Variants in TSNARE1 observed in about 807,000 individuals in gnomAD.
The protein encoded by TSNARE1 is t-SNARE domain-containing protein 1.
TSNARE1 carries 49 observed loss-of-function variants against 62.0 expected under a neutral mutation model. The ratio of observed to expected loss-of-function variants is 0.79; its 90% confidence interval spans 0.63 to 1.00. TSNARE1 has a LOEUF of 1.00. Among genes scored for constraint, TSNARE1 ranks in the 50% least tolerant of loss-of-function variants. TSNARE1 has a pLI of 0.00. For synonymous variants in TSNARE1, 328 were observed against 294.4 expected (o/e 1.11, Z -1.17); for missense variants, 755 against 700.1 (o/e 1.08, Z -0.88).
chr8:142,297,417 C>T (rs529327097), intron 10 of TSNARE1, among the ~76,000 whole-genome samples: 2 of 152,324 alleles, frequency 1.3e-5, no homozygotes, highest in South Asian at 2.1e-4. Flanking sequence ...GTGTTCACAC[C>T]CCACTAGCCA....
chr8:142,220,060 T>C (rs1341767831), intron 13 of TSNARE1, among the ~76,000 whole-genome samples: 1 of 152,228 alleles, frequency 6.6e-6, no homozygotes, highest in East Asian at 1.9e-4. Context: ...ACCGCCGCTG[T>C]GTCCCGCCTT....
chr8:142,214,556 T>A (rs1440931499), intron 13 of TSNARE1, among the ~76,000 whole-genome samples: 1 of 151,870 alleles, frequency 6.6e-6, no homozygotes, highest in Non-Finnish European at 1.5e-5. Context: ...GGCTGTTCCC[T>A]CTGCTGGAAT....
intron 1 of TSNARE1, among the ~76,000 whole-genome samples, chr8:142,372,551 C>T (rs1444554385): frequency 2.0e-5 from 3 of 152,166 alleles, no homozygotes; most frequent in Non-Finnish European, 4.4e-5. Context: ...GGGGTGCTGG[C>T]TTCCCTCACC....
At chr8:142,287,675 G>A (rs1436007352) in intron 10 of TSNARE1, among the ~76,000 whole-genome samples, 7 of 142,266 alleles carry the variant, frequency 4.9e-5, no homozygotes, top group Non-Finnish European at 9.2e-5. Context: ...GTGGAACCCA[G>A]GACCCCGGCC....
chr8:142,344,953 C>T (rs1034960791), intron 3 of TSNARE1, among the ~76,000 whole-genome samples: 5 of 152,320 alleles, frequency 3.3e-5, no homozygotes, highest in Middle Eastern at 3.4e-3. Flanking sequence ...CCTCGGCTTC[C>T]CTCCCACACT....
chr8:142,389,816 G>A (rs1837359749), intron 1 of TSNARE1, among the ~76,000 whole-genome samples: 1 of 152,216 alleles, frequency 6.6e-6, no homozygotes. Context: ...AGCTCTGGAA[G>A]GACAAACAGT....
chr8:142,348,688 C>T (rs986444248), intron 2 of TSNARE1, among the ~76,000 whole-genome samples: 3 of 148,380 alleles, frequency 2.0e-5, no homozygotes, highest in Admixed American at 6.7e-5. Context: ...AAGGGCGTGT[C>T]GACATTTTCT....
intron 4 of TSNARE1, among the ~76,000 whole-genome samples, chr8:142,334,102 C>T (rs1831437286): frequency 6.6e-6 from 1 of 152,250 alleles, no homozygotes; most frequent in Non-Finnish European, 1.5e-5. Flanking sequence ...TATACTTGTG[C>T]CAATCACTGA....
intron 12 of TSNARE1, among the ~76,000 whole-genome samples, chr8:142,267,810 A>G (rs1819218389): frequency 6.6e-6 from 1 of 152,210 alleles, no homozygotes; most frequent in Admixed American, 6.5e-5. Flanking sequence ...GATGGAATGC[A>G]AGAAGCACAG....
chr8:142,296,719 A>G, intron 10 of TSNARE1, among the ~76,000 whole-genome samples: 1 of 151,808 alleles, frequency 6.6e-6, no homozygotes, highest in Non-Finnish European at 1.5e-5. Context: ...ACGCCGTGGA[A>G]GCAGCAATGC....
intron 1 of TSNARE1, chr8:142,365,888 T>C (rs1835514198): frequency 2.2e-6 from 1 of 450,192 alleles, no homozygotes; most frequent in Non-Finnish European, 4.4e-6. Context: ...GTGAAGAACA[T>C]GTAAATGAGT....
At chr8:142,370,156 C>T (rs1835824719) in intron 1 of TSNARE1, among the ~76,000 whole-genome samples, 1 of 152,248 alleles carries the variant, frequency 6.6e-6, no homozygotes, top group Admixed American at 6.5e-5. Context: ...ACCAAATCTG[C>T]TGGCACCTTG....
rs1820026752 is a variant in TSNARE1 at position 142,274,096 on chromosome 8, AG to A, written c.1446+684del. 3.0e-6 allele frequency: 3 copies of A among 985,082 alleles called. No homozygotes were observed. In the South Asian group the frequency reaches 1.4e-4, roughly 46 times the overall value. 61.0% of individuals were successfully genotyped at this position (985,082 alleles called of 1,614,324 possible). Reference sequence around the variant, plus strand: ...CCTCACCTTGCTGGACTTAATGTCCAGCCTGCCTGGCCCCTGGGACTCCTTG... The same window carrying A: ...CCTCACCTTGCTGGACTTAATGTCCACCTGCCTGGCCCCTGGGACTCCTTG... On this transcript the variant is annotated intron_variant, in intron 12 of 13. Transcript: ENST00000524325.
intron 11 of TSNARE1, among the ~76,000 whole-genome samples, chr8:142,281,691 C>T (rs1215485346): frequency 6.6e-6 from 1 of 151,994 alleles, no homozygotes; most frequent in African/African-American, 2.4e-5. Context: ...AGGGCAACCC[C>T]ATAGAGGAAG....
At chr8:142,401,734 A>G (rs1838309032) in intron 1 of TSNARE1, among the ~76,000 whole-genome samples, 1 of 151,894 alleles carries the variant, frequency 6.6e-6, no homozygotes, top group Non-Finnish European at 1.5e-5. Flanking sequence ...CCAAAACTCA[A>G]CCTCCTCCAG....
At chr8:142,379,307 C>T (rs1283420108) in intron 1 of TSNARE1, among the ~76,000 whole-genome samples, 1 of 152,212 alleles carries the variant, frequency 6.6e-6, no homozygotes, top group African/African-American at 2.4e-5. Context: ...CTCCTAACCC[C>T]CAGACTCAAA....
At chr8:142,350,069 C>CCAGGGCAGGCAGGGCAGG (rs71313219) in intron 2 of TSNARE1, among the ~76,000 whole-genome samples, 3 of 77,466 alleles carry the variant, frequency 3.9e-5, no homozygotes, top group African/African-American at 2.6e-4. Flanking sequence ...AGGGCTGGGA[C>CCAGGGCAGGCAGGGCAGG]CAGGGCAGGC....
At chr8:142,311,292 T>G (rs1286191036) in intron 9 of TSNARE1, among the ~76,000 whole-genome samples, 2 of 67,694 alleles carry the variant, frequency 3.0e-5, no homozygotes, top group Non-Finnish European at 5.8e-5. Context: ...CCTCTCTAGT[T>G]TTTTTTTTTT....
intron 4 of TSNARE1, among the ~76,000 whole-genome samples, chr8:142,338,847 T>C (rs1832140496): frequency 6.6e-6 from 1 of 152,172 alleles, no homozygotes; most frequent in Non-Finnish European, 1.5e-5. Flanking sequence ...CGAGTCCATA[T>C]GCAGTGGCCC....
Sources: allele counts gnomAD v4.1 joint callset (sites outside exome capture counted in the v4.1 genomes callset), GRCh38; gene constraint gnomAD v4.1.1; transcripts MANE v1.5; gene names NCBI Gene and HGNC (gene_info 2026-07-23, HGNC 2026-07-21).